NBEA: variants seen among roughly 807,000 people sequenced by gnomAD.
NBEA encodes neurobeachin.
In NBEA, 44 loss-of-function variants were observed where a neutral mutation model predicts 343.4. The ratio of observed to expected loss-of-function variants is 0.13; its 90% CI spans 0.10 to 0.16. The LOEUF (loss-of-function observed/expected upper bound fraction) is 0.16. Among genes scored for constraint, NBEA ranks in the 10% least tolerant of loss-of-function variants. The pLI, the probability that NBEA is intolerant of heterozygous loss-of-function variation, is 1.00. For missense variants in NBEA, 2,555 were observed against 3,631.3 expected, an observed-to-expected ratio of 0.70 and a Z score of 7.62; for synonymous variants, 1,175 against 1,238.7, an observed-to-expected ratio of 0.95 and a Z score of 1.08.
intron 44 of NBEA, among the ~76,000 whole-genome samples, chr13:35,559,930 C>CAAAAAAAAAAAAAAAAAAA (rs34700584): frequency 9.2e-6 from 1 of 108,978 alleles, no homozygotes; most frequent in Non-Finnish European, 1.9e-5. Context: ...GACTCCGTCT[C>CAAAAAAAAAAAAAAAAAAA]AAAAAAAAAA....
intron 44 of NBEA, 86 bp downstream of exon 44, chr13:35,555,188 T>G (rs1005607563): frequency 1.5e-6 from 1 of 682,512 alleles, no homozygotes; most frequent in Non-Finnish European, 2.2e-6. Context: ...CATTTTTCTC[T>G]TTGGAATTCA....
At position 35,286,313 on chromosome 13, in the gene NBEA, A is replaced by G. The variant is rs1011035742; in HGVS notation, c.5777-4076A>G. ...ATTTTTTCTCTACAGTTGATAGTGA[A>G]TGATGATTTATAGATTTATTGATTC... is the stretch of plus-strand genomic sequence containing the variant. On this transcript the variant is annotated intron_variant, in intron 34 of 58. Transcript: ENST00000379939. 2.6e-5 allele frequency among the ~76,000 whole-genome samples: 4 copies of G among 152,120 alleles called. No individual in the cohort carries two copies. In the South Asian group the frequency reaches 6.2e-4, roughly 24 times the overall value.
At position 35,593,729 on chromosome 13, in the gene NBEA, C is replaced by T. The variant is rs1181471829; in HGVS notation, c.7296+282C>T. 2.0e-5 allele frequency among the ~76,000 whole-genome samples: 3 copies of T among 152,196 alleles called. No homozygotes were observed. In the East Asian group the frequency reaches 5.8e-4, roughly 29 times the overall value. ...TGTGAAAAGCCTATAAAATGCCTTTCCTGCTGTTAACTCAATATTTGGTCC... is the reference window on the plus strand; with the variant it reads ...TGTGAAAAGCCTATAAAATGCCTTTTCTGCTGTTAACTCAATATTTGGTCC... On this transcript the variant is annotated intron_variant, in intron 47 of 58. Transcript: ENST00000379939.
intron 36 of NBEA, among the ~76,000 whole-genome samples, chr13:35,340,232 C>T (rs2039509450): frequency 6.6e-6 from 1 of 152,002 alleles, no homozygotes; most frequent in Non-Finnish European, 1.5e-5. Flanking sequence ...AACCAAAATG[C>T]CCATTGACAA....
Position 35,159,274 on chromosome 13 carries a change from G to A in NBEA, c.3103G>A (p.Asp1035Asn). 5.0e-6 allele frequency: 8 copies of A among 1,613,572 alleles called. No individual in the cohort carries two copies. The highest frequency in any genetic ancestry group is 6.8e-6 in the Non-Finnish European group (8 of 1,179,652). Residue 1035 changes from aspartate to asparagine, a missense_variant, in exon 22 of 59, where the codon GAT becomes AAT. Physicochemically the swap from Asp to Asn is conservative, Grantham distance 23. This residue lies in a region of NBEA where 367 missense variants were observed against 377.5 expected (regional missense o/e 0.97). Transcript: ENST00000379939. Reference protein sequence around the residue: ...RDLLMSTKVSDDILGNSDRPG... With the variant: ...RDLLMSTKVSNDILGNSDRPG... ...CTTACTCATGTCAACAAAAGTGTCA[G>A]ATGATATTCTTGGAAATTCAGATAG...
chr13:35,448,387 T>G lies in NBEA; in HGVS notation c.6305-3705T>G, dbSNP rs2152942611. 2.6e-5 allele frequency among the ~76,000 whole-genome samples: 4 copies of G among 152,340 alleles called. 1 individual carries two copies. The South Asian group carries it at 8.3e-4, about 32-fold the overall frequency. On this transcript the variant is annotated intron_variant, in intron 39 of 58. Coordinates refer to ENST00000379939, the MANE Select transcript of NBEA (RefSeq NM_001385012.1). ...CACTTAAAGGCTTTTTTGACTTTAT[T>G]GTAAAAAACCAAGTTACTTTTCATG...
At chr13:35,290,676 A>G (rs1422159933) in intron 35 of NBEA, among the ~76,000 whole-genome samples, 1 of 150,706 alleles carries the variant, frequency 6.6e-6, no homozygotes, top group African/African-American at 2.4e-5. Flanking sequence ...TCTTTTTAGC[A>G]GTATTATTCT....
intron 47 of NBEA, among the ~76,000 whole-genome samples, chr13:35,597,016 G>A (rs1447261086): frequency 6.6e-6 from 1 of 151,700 alleles, no homozygotes; most frequent in Non-Finnish European, 1.5e-5. Flanking sequence ...AAAATGGTAC[G>A]CTCTCTCAGC....
intron 5 of NBEA, among the ~76,000 whole-genome samples, chr13:35,049,005 A>T (rs1215812351): frequency 1.3e-5 from 2 of 151,826 alleles, no homozygotes; most frequent in African/African-American, 4.8e-5. Context: ...TCCCTGAAAA[A>T]AATTCCAAAC....
chr13:35,553,814 GA>G (rs1330372351), intron 43 of NBEA, among the ~76,000 whole-genome samples: 2 of 152,036 alleles, frequency 1.3e-5, no homozygotes, highest in Non-Finnish European at 2.9e-5. Flanking sequence ...ATTTTTTAGG[GA>G]AAAACAGCAA....
chr13:35,299,459 G>A (rs749646437), intron 35 of NBEA, among the ~76,000 whole-genome samples: 2 of 152,086 alleles, frequency 1.3e-5, no homozygotes, highest in Non-Finnish European at 2.9e-5. Context: ...AGAACATAGG[G>A]ATTTTATCGT....
intron 17 of NBEA, among the ~76,000 whole-genome samples, chr13:35,126,159 G>A (rs528164386): frequency 1.2e-4 from 19 of 152,150 alleles, no homozygotes; most frequent in Admixed American, 2.6e-4. Context: ...ATAGTGAGTC[G>A]CATGAGATCT....
chr13:34,946,708 T>A (rs2152480015), intron 1 of NBEA, among the ~76,000 whole-genome samples: 1 of 151,760 alleles, frequency 6.6e-6, no homozygotes, highest in Non-Finnish European at 1.5e-5. Flanking sequence ...TGATTTTTTT[T>A]TTTTTTTACA....
At chr13:35,075,460 TAAG>T (rs1221323522) in intron 10 of NBEA, among the ~76,000 whole-genome samples, 2 of 152,076 alleles carry the variant, frequency 1.3e-5, no homozygotes, top group Non-Finnish European at 2.9e-5. Context: ...TAAATTATCT[TAAG>T]TATATGAATA....
intron 10 of NBEA, among the ~76,000 whole-genome samples, chr13:35,078,535 C>T (rs920879505): frequency 3.3e-5 from 5 of 152,062 alleles, no homozygotes; most frequent in South Asian, 2.1e-4. Flanking sequence ...ATCTGCTAGC[C>T]GAAGAATGAC....
At chr13:34,972,895 A>G (rs755830637) in intron 1 of NBEA, among the ~76,000 whole-genome samples, 23 of 152,156 alleles carry the variant, frequency 1.5e-4, no homozygotes, top group Non-Finnish European at 2.9e-4. Context: ...TGATGTGATC[A>G]TTTGGAGGAA....
At chr13:35,595,589 C>G (rs1055325486) in intron 47 of NBEA, among the ~76,000 whole-genome samples, 4 of 152,096 alleles carry the variant, frequency 2.6e-5, no homozygotes, top group African/African-American at 9.7e-5. Context: ...CTGATTGTTA[C>G]TATGAAGCAC....
chr13:35,141,392 G>C (rs2068084846), intron 17 of NBEA, among the ~76,000 whole-genome samples: 1 of 152,048 alleles, frequency 6.6e-6, no homozygotes, highest in African/African-American at 2.4e-5. Context: ...TCAGCCTCCT[G>C]AGTAGCTGGG....
intron 38 of NBEA, among the ~76,000 whole-genome samples, chr13:35,394,991 A>C (rs1051084041): frequency 6.6e-6 from 1 of 152,012 alleles, no homozygotes; most frequent in African/African-American, 2.4e-5. Context: ...CTACATTTAA[A>C]TTTCTTTTGT....
Sources: allele counts gnomAD v4.1 joint callset (sites outside exome capture counted in the v4.1 genomes callset), GRCh38; gene constraint gnomAD v4.1.1; regional missense constraint gnomAD v4.1.1; transcripts MANE v1.5; gene names NCBI Gene and HGNC (gene_info 2026-07-23, HGNC 2026-07-21).